The following MAVS variants were observed in gnomAD, a reference collection of about 807,000 sequenced individuals.
The protein encoded by MAVS is mitochondrial antiviral signaling protein.
MAVS carries 20 observed loss-of-function variants against 30.2 expected under a neutral mutation model. That is an observed-to-expected ratio of 0.66 (90% CI 0.47 to 0.96). The LOEUF is 0.96. Ranked by LOEUF, MAVS falls within the 40% of genes least tolerant of loss-of-function variation. The pLI, the probability that MAVS is intolerant of heterozygous loss-of-function variation, is 0.00. For synonymous variants in MAVS, 278 were observed against 293.9 expected (o/e 0.95, Z 0.55); for missense variants, 624 against 701.1 (o/e 0.89, Z 1.24).
At position 3,866,192 on chromosome 20, in the gene MAVS, A is replaced by G. The variant is rs753709599; in HGVS notation, c.*45A>G. 2.7e-6 allele frequency: 4 copies of G among 1,503,122 alleles called. No individual in the cohort carries two copies. In the South Asian group the frequency reaches 3.8e-5, roughly 14 times the overall value. The allele number at this position is 1,503,122 out of a possible 1,614,324, so 93.1% of individuals were successfully genotyped here. On this transcript the variant is annotated 3_prime_UTR_variant, in exon 7 of 7. Transcript: ENST00000428216. ...CACCACCCATCTGTTCCGTTCCTGC[A>G]GTACACCTGGCCCCTCTCCGAAGCC...
rs1313586465 is a variant in MAVS, at chr20:3,869,019, CTTTTTTT to C, written c.*2874_*2880del. ...CCATCCTCCCATCTTTTTCTTTTTTCTTTTTTTTAGAGAATCACCCAGCCTGGAGCGA... is the reference window on the plus strand; with the variant it reads ...CCATCCTCCCATCTTTTTCTTTTTTCTAGAGAATCACCCAGCCTGGAGCGA... On this transcript the variant is annotated 3_prime_UTR_variant, in exon 7 of 7. Coordinates refer to ENST00000428216, the MANE Select transcript of MAVS (RefSeq NM_020746.5). The C allele has an allele frequency of 1.3e-5, 2 of 151,974 alleles. No homozygotes were observed. The highest frequency in any genetic ancestry group is 2.9e-5 in the Non-Finnish European group (2 of 67,952). 9.4% of individuals were successfully genotyped at this position (151,974 alleles called of 1,614,324 possible).
At position 3,857,783 on chromosome 20, in the gene MAVS, C is replaced by T. The variant is rs748935673; in HGVS notation, c.266C>T (p.Ala89Val). 2.5e-6 allele frequency: 4 copies of T among 1,614,096 alleles called. No individual in the cohort carries two copies. Among genetic ancestry groups the T allele is most frequent in the African/African-American group, 1.3e-5 (1 of 74,926 alleles). Reference protein sequence around the residue: ...CELVDLADEVASVYQSYQPRT... With the variant: ...CELVDLADEVVSVYQSYQPRT... ...CTAGTTGATCTCGCGGACGAAGTGG[C>T]CTCTGTCTACCAGAGCTACCAGCCT... The change falls in exon 3 of 7, where the codon GCC becomes GTC. Residue 89 changes from alanine (A) to valine (V), a missense_variant. Coordinates refer to ENST00000428216, the MANE Select transcript of MAVS (RefSeq NM_020746.5).
intron 1 of MAVS, among the ~76,000 whole-genome samples, chr20:3,848,389 G>C (rs6037677): frequency 6.6e-6 from 1 of 152,046 alleles, no homozygotes; most frequent in East Asian, 1.9e-4. Flanking sequence ...GTGAGCCACC[G>C]CGCCCGGCCG....
chr20:3,848,572 G>A (rs1047294819), intron 1 of MAVS, among the ~76,000 whole-genome samples: 1 of 152,198 alleles, frequency 6.6e-6, no homozygotes, highest in Non-Finnish European at 1.5e-5. Context: ...AGGCTCTGAG[G>A]CCAGTGACAG....
chr20:3,860,653 G>A (rs1455822591), intron 3 of MAVS, among the ~76,000 whole-genome samples: 1 of 151,418 alleles, frequency 6.6e-6, no homozygotes, highest in African/African-American at 2.4e-5. Context: ...GGGATTACAG[G>A]CGTGAGCCAC....
At position 3,865,133 on chromosome 20, in the gene MAVS, G is replaced by A. The variant is rs2146776340; in HGVS notation, c.1158+345G>A. On this transcript the variant is annotated intron_variant, in intron 6 of 6. Transcript: ENST00000428216. The surrounding 1 kb of genome is among the most constrained non-coding windows in gnomAD (Gnocchi z 4.7). ...ACATAAGGAAGCAGTGACGGGGACA[G>A]CACAGTGGCCCATCTGCCTCTTGCC... Among the ~76,000 whole-genome samples, 1 of 152,310 alleles carries A rather than the reference G, an allele frequency of 6.6e-6. No individual in the cohort carries two copies. The highest frequency in any genetic ancestry group is 6.5e-5 in the Admixed American group (1 of 15,298).
intron 1 of MAVS, among the ~76,000 whole-genome samples, chr20:3,849,431 C>T (rs1216492584): frequency 2.0e-5 from 3 of 152,160 alleles, no homozygotes; most frequent in African/African-American, 7.2e-5. Context: ...TCTCAACCTC[C>T]TGAGCTCAGG....
At position 3,874,089 on chromosome 20, in the gene MAVS, A is replaced by G. The variant is rs2089974035; in HGVS notation, c.*7942A>G. The G allele has an allele frequency of 2.5e-6, 1 of 398,540 alleles. No individual in the cohort carries two copies. Among genetic ancestry groups the G allele is most frequent in the Admixed American group, 4.4e-5 (1 of 22,698 alleles). The allele number at this position is 398,540 out of a possible 1,614,324, so 24.7% of individuals were successfully genotyped here. A position where few individuals can be genotyped will look rare whatever the true frequency, so the allele number is the denominator to read the frequency against. ...GTCGAATACTACTGCACAGCAACGA[A>G]TATGAATGAAAATATCGCTATGCAC... On this transcript the variant is annotated 3_prime_UTR_variant, in exon 7 of 7. Coordinates refer to ENST00000428216, the MANE Select transcript of MAVS (RefSeq NM_020746.5).
intron 3 of MAVS, 79 bp from the exon 4 acceptor site, chr20:3,861,253 A>G: frequency 1.4e-6 from 2 of 1,426,256 alleles, no homozygotes; most frequent in Non-Finnish European, 1.9e-6. Context: ...TTGGCCTCCC[A>G]AAGTGCTGAG....
chr20:3,859,293 G>C (rs2089841977), intron 3 of MAVS, among the ~76,000 whole-genome samples: 1 of 151,910 alleles, frequency 6.6e-6, no homozygotes, highest in Non-Finnish European at 1.5e-5. Context: ...GGATCACAAG[G>C]TCAGGAGTTC....
In MAVS at chr20:3,862,345, C is replaced by A; in HGVS notation, c.557C>A (p.Ala186Asp). 1 of 1,614,134 alleles carries A rather than the reference C, an allele frequency of 6.2e-7. No homozygotes were observed. Among genetic ancestry groups the A allele is most frequent in the Non-Finnish European group, 8.5e-7 (1 of 1,180,020 alleles). The change falls in exon 5 of 7, where the codon GCC (alanine) becomes GAC (aspartate). Residue 186 changes from alanine to aspartate, a missense_variant. Physicochemically the swap from Ala to Asp is moderately radical, Grantham distance 126 (BLOSUM62 -2). Coordinates refer to ENST00000428216, the MANE Select transcript of MAVS (RefSeq NM_020746.5). ...CTGGAGTCCTCCTCTGACCTGGCAG[C>A]CCTCAGCCCTCTGACCTCCAGCGGG... ...GPLESSSDLA[A>D]LSPLTSSGHQ...
At chr20:3,862,848 CAGAG>C (rs1205792209) in intron 5 of MAVS, among the ~76,000 whole-genome samples, 5 of 152,144 alleles carry the variant, frequency 3.3e-5, no homozygotes, top group Non-Finnish European at 5.9e-5. Flanking sequence ...GCAGAGTTCT[CAGAG>C]AGGGCTCAAA....
Position 3,867,103 on chromosome 20 carries a change from C to T in MAVS, c.*956C>T, listed in dbSNP as rs944246687. 4 of 456,116 alleles carry T rather than the reference C, an allele frequency of 8.8e-6. No individual in the cohort carries two copies. Among genetic ancestry groups the T allele is most frequent in the Non-Finnish European group, 1.8e-5 (4 of 226,742 alleles). 28.3% of individuals were successfully genotyped at this position (456,116 alleles called of 1,614,324 possible). ...CTTCTCCCATCTCTCTCCTGCCCAA[C>T]CTGGTAGAGCTGAGGGCATGAGAGG... On this transcript the variant is annotated 3_prime_UTR_variant, in exon 7 of 7. Transcript: ENST00000428216.
At position 3,875,225 on chromosome 20, in the gene MAVS, GT is replaced by G; in HGVS notation, c.*9079del. On this transcript the variant is annotated 3_prime_UTR_variant, in exon 7 of 7. Coordinates refer to ENST00000428216, the MANE Select transcript of MAVS (RefSeq NM_020746.5). The stretch of plus-strand genomic sequence containing the variant: ...AGCCAGGAGTTCGAGACCAGCCTGG[GT>G]AACATAGCTAGACCACATCTCTTAA... 6.6e-6 allele frequency: 1 copy of G among 152,186 alleles called. No individual in the cohort carries two copies. The allele number at this position is 152,186 out of a possible 1,614,324, so 9.4% of individuals were successfully genotyped here. A position where few individuals can be genotyped will look rare whatever the true frequency, so the allele number is the denominator to read the frequency against.
chr20:3,857,904 C>A (rs758093357), intron 3 of MAVS, 95 bp downstream of exon 3: 3 of 1,354,096 alleles, frequency 2.2e-6, no homozygotes, highest in Admixed American at 3.5e-5. Context: ...CTTTCTCTGT[C>A]ATCCTCTTTC....
chr20:3,857,888 TC>T, intron 3 of MAVS, 79 bp downstream of exon 3: 6 of 1,457,130 alleles, frequency 4.1e-6, no homozygotes, highest in Non-Finnish European at 5.8e-6. Flanking sequence ...TCCCTGTACT[TC>T]CTGCCTTTCT....
intron 1 of MAVS, among the ~76,000 whole-genome samples, chr20:3,848,446 T>C (rs2089729229): frequency 6.6e-6 from 1 of 152,196 alleles, no homozygotes; most frequent in Admixed American, 6.5e-5. Flanking sequence ...TGCTAATTTC[T>C]TGAAGGCTCA....
In MAVS at chr20:3,864,593, A is replaced by C. The variant is rs1385057776; in HGVS notation, c.963A>C (p.Thr321=). 2.5e-6 allele frequency: 4 copies of C among 1,614,084 alleles called. No individual in the cohort carries two copies. Among genetic ancestry groups the C allele is most frequent in the Non-Finnish European group, 3.4e-6 (4 of 1,180,042 alleles). Residue 321 remains threonine, a synonymous_variant, in exon 6 of 7, where the codon ACA becomes ACC. Coordinates refer to ENST00000428216, the MANE Select transcript of MAVS (RefSeq NM_020746.5). ...CTGCCAACCCAGCATCTGTCAGCAC[A>C]GTGCCCTCCAAGTTGCCAACTAGCT... The part of the protein sequence containing the change: ...KVPANPASVS[T]VPSKLPTSSK...
rs1344910298 is a variant in MAVS at position 3,868,587 on chromosome 20, T to C, written c.*2440T>C. On this transcript the variant is annotated 3_prime_UTR_variant, in exon 7 of 7. Transcript: ENST00000428216. ...ATGCGGAGGTTGCAGTGAGCCGAGA[T>C]TGTGCCACTGCGCTCCAGCCTGGGC... The C allele has an allele frequency of 1.3e-5, 2 of 151,932 alleles. No homozygotes were observed. The highest frequency in any genetic ancestry group is 4.8e-5 in the African/African-American group (2 of 41,354). The allele number at this position is 151,932 out of a possible 1,614,324, so 9.4% of individuals were successfully genotyped here. A position where few individuals can be genotyped will look rare whatever the true frequency, so the allele number is the denominator to read the frequency against.
Sources: gnomAD v4.1 joint callset for allele counts (sites outside exome capture counted in the v4.1 genomes callset) on GRCh38, gnomAD v4.1.1 for gene constraint, Gnocchi (gnomAD v3.1) non-coding constraint, MANE v1.5 for transcripts, NCBI Gene and HGNC (gene_info 2026-07-23, HGNC 2026-07-21) for gene names.